PTPRM: variants seen among roughly 807,000 people sequenced by gnomAD.
PTPRM encodes receptor-type tyrosine-protein phosphatase mu.
Under a neutral mutation model 186.7 loss-of-function variants are expected in PTPRM, and 47 were observed. The observed-to-expected ratio is 0.25, with a 90% CI of 0.20 to 0.32. PTPRM has a LOEUF of 0.32. Ranked by LOEUF, PTPRM falls within the 10% of genes least tolerant of loss-of-function variation. PTPRM has a pLI of 1.00. For synonymous variants in PTPRM, 668 were observed against 674.9 expected, an observed-to-expected ratio of 0.99 and a Z score of 0.16; for missense variants, 1,494 against 1,865.0, an observed-to-expected ratio of 0.80 and a Z score of 3.66.
chr18:8,036,362 C>G (rs16952771), intron 7 of PTPRM, among the ~76,000 whole-genome samples: 3,100 of 152,302 alleles, frequency 0.02, 100 homozygotes, highest in African/African-American at 0.071. Context: ...TATAGAGGTG[C>G]TTATGCGTTG....
intron 19 of PTPRM, 122 bp downstream of exon 19, chr18:8,253,536 G>A: frequency 1.1e-6 from 1 of 926,396 alleles, no homozygotes; most frequent in Non-Finnish European, 1.5e-6. Context: ...GCCAGAAAGA[G>A]ATGAAGTACA....
chr18:8,135,027 A>G (rs1363442801), intron 13 of PTPRM, among the ~76,000 whole-genome samples: 2 of 152,194 alleles, frequency 1.3e-5, no homozygotes, highest in African/African-American at 4.8e-5. Context: ...ATGGTATAAT[A>G]TTAAATAAAA....
chr18:7,774,133 T>A lies in PTPRM; in HGVS notation c.74-16T>A. 6.3e-7 allele frequency: 1 copy of A among 1,599,810 alleles called. No individual in the cohort carries two copies. The highest frequency in any genetic ancestry group is 1.1e-5 in the South Asian group (1 of 90,340). Reference sequence around the variant, plus strand: ...TGGTTGGTATTTACATTACTTTTTATTCTTTTACATTTTAGGTGGCTGCCT... The same window carrying A: ...TGGTTGGTATTTACATTACTTTTTAATCTTTTACATTTTAGGTGGCTGCCT... On this transcript the variant is annotated splice_polypyrimidine_tract_variant and intron_variant, in intron 1 of 32. Transcript: ENST00000580170.
At chr18:7,911,789 T>TA (rs2050277408) in intron 4 of PTPRM, among the ~76,000 whole-genome samples, 1 of 151,506 alleles carries the variant, frequency 6.6e-6, no homozygotes, top group Non-Finnish European at 1.5e-5. Context: ...TTGTAGCTAA[T>TA]AATTCTTCTA....
intron 11 of PTPRM, among the ~76,000 whole-genome samples, chr18:8,106,440 C>T (rs1408419621): frequency 6.6e-6 from 1 of 152,090 alleles, no homozygotes; most frequent in Non-Finnish European, 1.5e-5. Context: ...GTCAGATGCC[C>T]TCAATGTAGT....
intron 6 of PTPRM, among the ~76,000 whole-genome samples, chr18:7,951,910 AG>A (rs1426708447): frequency 2.6e-5 from 4 of 152,190 alleles, no homozygotes; most frequent in African/African-American, 9.6e-5. Context: ...GAGAAACTAA[AG>A]TCCATAGAGT....
chr18:7,667,826 C>T (rs2039131648), intron 1 of PTPRM, among the ~76,000 whole-genome samples: 1 of 152,096 alleles, frequency 6.6e-6, no homozygotes, highest in African/African-American at 2.4e-5. Flanking sequence ...TGCAAGGCTA[C>T]ATATAAACTG....
intron 14 of PTPRM, among the ~76,000 whole-genome samples, chr18:8,231,412 C>A (rs952236001): frequency 6.6e-6 from 1 of 152,146 alleles, no homozygotes; most frequent in Non-Finnish European, 1.5e-5. Context: ...CTTCTTCCTT[C>A]CAGCCAGGTG....
intron 1 of PTPRM, among the ~76,000 whole-genome samples, chr18:7,657,164 G>A (rs1346432584): frequency 2.0e-5 from 3 of 152,134 alleles, no homozygotes; most frequent in Non-Finnish European, 4.4e-5. Context: ...CTTACCCTCT[G>A]AGTTTAGATT....
chr18:7,993,587 C>G (rs1698762842), intron 7 of PTPRM, among the ~76,000 whole-genome samples: 1 of 151,922 alleles, frequency 6.6e-6, no homozygotes, highest in African/African-American at 2.4e-5. Context: ...GTACTGAAAG[C>G]AAGAAAAAGA....
At chr18:7,738,043 C>T (rs565122950) in intron 1 of PTPRM, among the ~76,000 whole-genome samples, 1 of 152,220 alleles carries the variant, frequency 6.6e-6, no homozygotes, top group East Asian at 1.9e-4. Flanking sequence ...GATCTTTTTC[C>T]ATAGACATAG....
At chr18:7,763,948 T>C (rs2041901566) in intron 1 of PTPRM, among the ~76,000 whole-genome samples, 1 of 151,300 alleles carries the variant, frequency 6.6e-6, no homozygotes, top group Admixed American at 6.6e-5. Flanking sequence ...AAAATGCAAT[T>C]CTTTTTTTTT....
intron 24 of PTPRM, among the ~76,000 whole-genome samples, chr18:8,374,016 T>C (rs1223731010): frequency 6.6e-6 from 1 of 152,188 alleles, no homozygotes; most frequent in African/African-American, 2.4e-5. Context: ...ATGACATCTA[T>C]GATGTTCTTC....
chr18:8,294,307 G>A (rs758213036), intron 19 of PTPRM, among the ~76,000 whole-genome samples: 2 of 152,138 alleles, frequency 1.3e-5, no homozygotes, highest in African/African-American at 2.4e-5. Flanking sequence ...AAGGAAAGAG[G>A]TTTAATTGAT....
chr18:8,029,585 T>C (rs1467737908), intron 7 of PTPRM, among the ~76,000 whole-genome samples: 1 of 152,176 alleles, frequency 6.6e-6, no homozygotes, highest in Non-Finnish European at 1.5e-5. Context: ...CCACTAAGAA[T>C]TCCTTCCTTC....
At chr18:7,834,636 A>G (rs565277225) in intron 2 of PTPRM, among the ~76,000 whole-genome samples, 2 of 151,218 alleles carry the variant, frequency 1.3e-5, no homozygotes, top group African/African-American at 4.8e-5. Context: ...TGAGTTTGGA[A>G]GTACTCCATC....
intron 1 of PTPRM, among the ~76,000 whole-genome samples, chr18:7,702,178 T>C (rs1180378761): frequency 6.6e-6 from 1 of 152,240 alleles, no homozygotes; most frequent in Non-Finnish European, 1.5e-5. Flanking sequence ...TATAGTAGAA[T>C]GATTTATAAT....
At chr18:8,335,497 C>A (rs1417463035) in intron 22 of PTPRM, among the ~76,000 whole-genome samples, 1 of 152,162 alleles carries the variant, frequency 6.6e-6, no homozygotes, top group Non-Finnish European at 1.5e-5. Flanking sequence ...AAACTTTCAT[C>A]ACATGTTTAT....
intron 7 of PTPRM, among the ~76,000 whole-genome samples, chr18:8,054,699 A>G (rs991987388): frequency 2.0e-5 from 3 of 151,988 alleles, no homozygotes; most frequent in African/African-American, 7.2e-5. Flanking sequence ...ATTAGACAGT[A>G]TTGTTATTTT....
Sources: gnomAD v4.1 joint callset for allele counts (sites outside exome capture counted in the v4.1 genomes callset) on GRCh38, gnomAD v4.1.1 for gene constraint, MANE v1.5 for transcripts, NCBI Gene and HGNC (gene_info 2026-07-23, HGNC 2026-07-21) for gene names.